CASZ1: variants seen among roughly 807,000 people sequenced by gnomAD.
CASZ1 encodes zinc finger protein castor homolog 1.
CASZ1 carries 28 observed loss-of-function variants against 135.2 expected under a neutral mutation model. The observed-to-expected ratio is 0.21, with a 90% CI of 0.15 to 0.28. The LOEUF (loss-of-function observed/expected upper bound fraction) is 0.28, where lower values mean the gene tolerates loss of function less well. Ranked by LOEUF, CASZ1 falls within the 10% of genes least tolerant of loss-of-function variation. CASZ1 has a pLI of 1.00. For missense variants in CASZ1, 2,161 were observed against 2,453.3 expected, an observed-to-expected ratio of 0.88 and a Z score of 2.52; for synonymous variants, 1,068 against 1,073.4, an observed-to-expected ratio of 0.99 and a Z score of 0.10.
chr1:10,694,756 A>G lies in CASZ1; in HGVS notation c.-23-844T>C, dbSNP rs1000434311. ...GGCGGCCGGCTCCATTGGCTCTGCG[A>G]TTCCCCAAACCTCTGGCTCCGGGAG... On this transcript the variant is annotated intron_variant, in intron 3 of 20. Transcript: ENST00000377022. This position sits in a 1 kb window ranked among gnomAD's most constrained non-coding sequence, Gnocchi z 6.6. 1.4e-5 allele frequency among the ~76,000 whole-genome samples: 2 copies of G among 143,388 alleles called. No individual in the cohort carries two copies. The highest frequency in any genetic ancestry group is 2.0e-4 in the East Asian group (1 of 4,896). The allele number at this position is 143,388 out of a possible 152,430, so 94.1% of individuals were successfully genotyped here.
At chr1:10,749,354 TCTCCTGCCTCAGC>T (rs1185794438) in intron 2 of CASZ1, among the ~76,000 whole-genome samples, 2 of 151,820 alleles carry the variant, frequency 1.3e-5, no homozygotes, top group Non-Finnish European at 2.9e-5. Flanking sequence ...TTCAAGCAAT[TCTCCTGCCTCAGC>T]CTCCTGAGTA....
chr1:10,743,900 G>T (rs74419108), intron 2 of CASZ1, among the ~76,000 whole-genome samples: 1 of 151,632 alleles, frequency 6.6e-6, no homozygotes, highest in African/African-American at 2.4e-5. Flanking sequence ...ATGGGGCGGC[G>T]GGGGGAGGCA....
At chr1:10,745,479 G>C (rs1158789041) in intron 2 of CASZ1, among the ~76,000 whole-genome samples, 2 of 152,210 alleles carry the variant, frequency 1.3e-5, no homozygotes, top group African/African-American at 4.8e-5. Context: ...GGACTCAAGG[G>C]GGTGTGGGCA....
chr1:10,668,977 C>T (rs1298433580), intron 4 of CASZ1, among the ~76,000 whole-genome samples: 1 of 152,220 alleles, frequency 6.6e-6, no homozygotes, highest in African/African-American at 2.4e-5. Context: ...GCGGGCTGGC[C>T]TCTCAGCCCC....
Position 10,774,824 on chromosome 1 carries a change from C to T in CASZ1, c.-233-13967G>A, listed in dbSNP as rs959881983. Among the ~76,000 whole-genome samples the T allele has an allele frequency of 2.0e-5, 3 of 152,182 alleles. No individual in the cohort carries two copies. Among genetic ancestry groups the T allele is most frequent in the African/African-American group, 7.2e-5 (3 of 41,446 alleles). On this transcript the variant is annotated intron_variant, in intron 1 of 20. Transcript: ENST00000377022. This position sits in a 1 kb window ranked among gnomAD's most constrained non-coding sequence, Gnocchi z 4.4. ...AACCCACAAGCACAGTCCTGACACT[C>T]AGAGCTCCCGCGGTCTTACAGACAA... is the stretch of plus-strand genomic sequence containing the variant.
intron 2 of CASZ1, among the ~76,000 whole-genome samples, chr1:10,754,087 T>C (rs1046146304): frequency 2.0e-5 from 3 of 152,144 alleles, no homozygotes; most frequent in African/African-American, 7.2e-5. Context: ...CCTACAGATA[T>C]CGATTAGGTT....
intron 1 of CASZ1, among the ~76,000 whole-genome samples, chr1:10,787,283 T>C (rs6658023): frequency 0.63 from 95,605 of 152,052 alleles, 31,967 homozygotes; most frequent in Non-Finnish European, 0.75. Flanking sequence ...CGCAAGACCT[T>C]AAGTGTGGGG....
At chr1:10,663,257 C>T (rs1401037080) in intron 5 of CASZ1, among the ~76,000 whole-genome samples, 1 of 152,124 alleles carries the variant, frequency 6.6e-6, no homozygotes, top group Non-Finnish European at 1.5e-5. Flanking sequence ...AGGGGCAGGA[C>T]TGGGCCTGGG....
At chr1:10,691,638 A>C (rs775526072) in intron 4 of CASZ1, among the ~76,000 whole-genome samples, 90 of 152,320 alleles carry the variant, frequency 5.9e-4, no homozygotes, top group Non-Finnish European at 8.7e-4. Flanking sequence ...GCCAGAGACG[A>C]GGCCCATGGC....
Position 10,767,655 on chromosome 1 carries a change from A to T in CASZ1, c.-233-6798T>A, listed in dbSNP as rs551712353. Among the ~76,000 whole-genome samples, 199 of 152,154 alleles carry T rather than the reference A, an allele frequency of 1.3e-3. No individual in the cohort carries two copies. The highest frequency in any genetic ancestry group is 6.8e-3 in the Middle Eastern group (2 of 294). On this transcript the variant is annotated intron_variant, in intron 1 of 20. Transcript: ENST00000377022. This position sits in a 1 kb window ranked among gnomAD's most constrained non-coding sequence, Gnocchi z 4.2. ...ATATTTCCTCTCTCACTTGCTTTTT[A>T]AAAAAAATTTAATGTTCTCTATAAT...
chr1:10,709,736 G>A lies in CASZ1; in HGVS notation c.-76-4192C>T, dbSNP rs757406300. ...CCAGGCAGGGGCTGAGCAGTGCCCC[G>A]GGCAGTGCCGCAGGGGGATGCGCAC... On this transcript the variant is annotated intron_variant, in intron 2 of 20. Transcript: ENST00000377022. The surrounding 1 kb of genome is among the most constrained non-coding windows in gnomAD (Gnocchi z 5.1). Among the ~76,000 whole-genome samples, 5 of 152,288 alleles carry A rather than the reference G, an allele frequency of 3.3e-5. No individual in the cohort carries two copies. Among genetic ancestry groups the A allele is most frequent in the Non-Finnish European group, 5.9e-5 (4 of 68,016 alleles).
chr1:10,710,766 G>A (rs1639269737), intron 2 of CASZ1, among the ~76,000 whole-genome samples: 1 of 152,266 alleles, frequency 6.6e-6, no homozygotes, highest in Non-Finnish European at 1.5e-5. Context: ...CTGCTCCACA[G>A]CGAGATCATC....
chr1:10,653,455 C>T lies in CASZ1; in HGVS notation c.2602G>A (p.Ala868Thr). 1 of 1,613,342 alleles carries T rather than the reference C, an allele frequency of 6.2e-7. No individual in the cohort carries two copies. The highest frequency in any genetic ancestry group is 8.5e-7 in the Non-Finnish European group (1 of 1,179,998). Residue 868 changes from alanine (A) to threonine (T), a missense_variant, in exon 11 of 21, where the codon GCA becomes ACA. Coordinates refer to ENST00000377022, the MANE Select transcript of CASZ1 (RefSeq NM_001079843.3). ...PPASIMERIS[A>T]SKGLISPMMA... ...ATGGGCGAGATGAGGCCCTTGCTTGCAGAGATCCTCTCCATGATGGAGGCG... is the reference window on the plus strand; with the variant it reads ...ATGGGCGAGATGAGGCCCTTGCTTGTAGAGATCCTCTCCATGATGGAGGCG...
chr1:10,737,327 C>T (rs1430549476), intron 2 of CASZ1, among the ~76,000 whole-genome samples: 4 of 152,062 alleles, frequency 2.6e-5, no homozygotes, highest in African/African-American at 7.2e-5. Flanking sequence ...GCCCTCCCCT[C>T]TCAGGCTGGG....
intron 5 of CASZ1, among the ~76,000 whole-genome samples, chr1:10,662,589 C>A (rs1335339775): frequency 6.9e-6 from 1 of 145,762 alleles, no homozygotes; most frequent in Non-Finnish European, 1.5e-5. Flanking sequence ...CAATCACACA[C>A]ACAATCACAC....
rs546183193 is a variant in CASZ1, at chr1:10,719,059, C to T, written c.-76-13515G>A. 2.0e-5 allele frequency among the ~76,000 whole-genome samples: 3 copies of T among 152,212 alleles called. No homozygotes were observed. In the East Asian group the frequency reaches 5.8e-4, roughly 29 times the overall value. ...TCCCGAGTAACTGGGATTACAGGCA[C>T]TCGCCACCACACCTGGCTAATTTTT... is the stretch of plus-strand genomic sequence containing the variant. On this transcript the variant is annotated intron_variant, in intron 2 of 20. Coordinates refer to ENST00000377022, the MANE Select transcript of CASZ1 (RefSeq NM_001079843.3). The surrounding 1 kb of genome is among the most constrained non-coding windows in gnomAD (Gnocchi z 4.0).
At chr1:10,672,034 G>A (rs1476627581) in intron 4 of CASZ1, among the ~76,000 whole-genome samples, 1 of 152,188 alleles carries the variant, frequency 6.6e-6, no homozygotes, top group Non-Finnish European at 1.5e-5. Flanking sequence ...CTAGGTCCCA[G>A]AGACGGACAT....
At chr1:10,754,474 G>A (rs998074793) in intron 2 of CASZ1, among the ~76,000 whole-genome samples, 1 of 152,168 alleles carries the variant, frequency 6.6e-6, no homozygotes, top group African/African-American at 2.4e-5. Context: ...AACCCCTGAG[G>A]CTGAGCCCTG....
At chr1:10,688,300 T>C (rs1339094542) in intron 4 of CASZ1, among the ~76,000 whole-genome samples, 1 of 151,658 alleles carries the variant, frequency 6.6e-6, no homozygotes, top group Admixed American at 6.6e-5. Flanking sequence ...GCCAACGGGG[T>C]GTGAGGCTGG....
Sources: gnomAD v4.1 joint callset for allele counts (sites outside exome capture counted in the v4.1 genomes callset) on GRCh38, gnomAD v4.1.1 for gene constraint, Gnocchi (gnomAD v3.1) non-coding constraint, MANE v1.5 for transcripts, NCBI Gene and HGNC (gene_info 2026-07-23, HGNC 2026-07-21) for gene names.